Variants in TTC8 observed in about 807,000 individuals in gnomAD.
TTC8 encodes the protein tetratricopeptide repeat domain 8.
Under a neutral mutation model 72.5 loss-of-function variants are expected in TTC8, and 47 were observed. That is an observed-to-expected ratio of 0.65 (90% confidence interval 0.51 to 0.83). The LOEUF (loss-of-function observed/expected upper bound fraction) is 0.83, where lower values mean the gene tolerates loss of function less well. Among genes scored for constraint, TTC8 ranks in the 40% least tolerant of loss-of-function variants. The pLI, the probability that TTC8 is intolerant of heterozygous loss-of-function variation, is 0.00. For missense variants in TTC8, 611 were observed against 623.2 expected (o/e 0.98, Z 0.21); for synonymous variants, 199 against 221.4 (o/e 0.90, Z 0.90).
intron 7 of TTC8, among the ~76,000 whole-genome samples, chr14:88,850,878 T>C (rs1197544830): frequency 6.6e-6 from 1 of 152,232 alleles, no homozygotes; most frequent in Admixed American, 6.5e-5. Flanking sequence ...TTTGGCTTTG[T>C]ACATTTCAGG....
intron 7 of TTC8, among the ~76,000 whole-genome samples, chr14:88,849,600 A>G (rs2094824249): frequency 6.6e-6 from 1 of 152,044 alleles, no homozygotes; most frequent in Non-Finnish European, 1.5e-5. Flanking sequence ...TCCATGGAAA[A>G]CGATTTTTCT....
chr14:88,841,014 A>T, intron 4 of TTC8, 23 bp from the exon 5 acceptor site: 1 of 1,614,072 alleles, frequency 6.2e-7, no homozygotes, highest in Non-Finnish European at 8.5e-7. Flanking sequence ...TCTTTGTATT[A>T]TAACAATTTA....
At position 88,853,768 on chromosome 14, in the gene TTC8, G is replaced by A. The variant is rs140680516; in HGVS notation, c.710+712G>A. ...ACTGAGAGATCAGAAGAGTCGTAATGAATTTTATGAATATTTATATAGCAA... is the reference window on the plus strand; with the variant it reads ...ACTGAGAGATCAGAAGAGTCGTAATAAATTTTATGAATATTTATATAGCAA... On this transcript the variant is annotated intron_variant, in intron 8 of 14. Coordinates refer to ENST00000380656, the MANE Select transcript of TTC8 (RefSeq NM_144596.4). 1.6e-3 allele frequency among the ~76,000 whole-genome samples: 248 copies of A among 152,282 alleles called. 1 individual carries two copies. Among genetic ancestry groups the A allele is most frequent in the Non-Finnish European group, 2.5e-3 (168 of 68,012 alleles).
chr14:88,863,753 G>A (rs758192091), intron 10 of TTC8, among the ~76,000 whole-genome samples: 8 of 152,188 alleles, frequency 5.3e-5, no homozygotes, highest in Non-Finnish European at 1.2e-4. Flanking sequence ...AGTATGAATG[G>A]AATCCTTAAT....
chr14:88,862,161 T>C (rs2094888767), intron 10 of TTC8, among the ~76,000 whole-genome samples: 1 of 152,122 alleles, frequency 6.6e-6, no homozygotes. Flanking sequence ...TTTTTTGTCT[T>C]TTTGATGATA....
intron 1 of TTC8, among the ~76,000 whole-genome samples, chr14:88,832,511 G>A (rs1446611934): frequency 6.6e-6 from 1 of 151,966 alleles, no homozygotes; most frequent in Admixed American, 6.6e-5. Context: ...GCACTGGCAA[G>A]AAGGAGCATT....
intron 9 of TTC8, among the ~76,000 whole-genome samples, 199 bp downstream of exon 9, chr14:88,857,476 A>T (rs2094862132): frequency 6.6e-6 from 1 of 152,192 alleles, no homozygotes. Flanking sequence ...ATTGATTGCC[A>T]TGAAAAATAA....
At chr14:88,833,544 A>T (rs2094736122) in intron 1 of TTC8, 149 bp from the exon 2 acceptor site, 2 of 665,512 alleles carry the variant, frequency 3.0e-6, no homozygotes, top group Admixed American at 2.6e-5. Context: ...ACTCTTGAGA[A>T]CACTTCTGTA....
chr14:88,840,856 G>A lies in TTC8; in HGVS notation c.266-9G>A. On this transcript the variant is annotated splice_polypyrimidine_tract_variant and intron_variant, in intron 3 of 14. Transcript: ENST00000380656. ...ATATATAAATTGTATTAGCCATCTT[G>A]TCTCCTAGGCCCTGGAACGTCTTTG... 6.2e-7 allele frequency: 1 copy of A among 1,613,764 alleles called. No homozygotes were observed. Among genetic ancestry groups the A allele is most frequent in the East Asian group, 2.2e-5 (1 of 44,870 alleles).
chr14:88,834,835 T>C (rs543189560), intron 2 of TTC8, among the ~76,000 whole-genome samples: 9 of 152,324 alleles, frequency 5.9e-5, no homozygotes, highest in African/African-American at 1.9e-4. Flanking sequence ...GTAGAAATGG[T>C]TTTAAAACTA....
intron 10 of TTC8, among the ~76,000 whole-genome samples, chr14:88,862,227 G>A (rs549079943): frequency 3.3e-5 from 5 of 151,736 alleles, no homozygotes; most frequent in South Asian, 4.2e-4. Context: ...TACATTTCCC[G>A]GATGATTAGT....
At chr14:88,861,680 C>T (rs1161806489) in intron 10 of TTC8, among the ~76,000 whole-genome samples, 3 of 152,054 alleles carry the variant, frequency 2.0e-5, no homozygotes, top group Non-Finnish European at 4.4e-5. Flanking sequence ...ATAATTTTAC[C>T]TTTTACCTCC....
chr14:88,825,981 A>AT (rs1240086509), intron 1 of TTC8, among the ~76,000 whole-genome samples: 60 of 150,426 alleles, frequency 4.0e-4, no homozygotes, highest in Non-Finnish European at 6.2e-4. Flanking sequence ...AATTTTTTTT[A>AT]TTTTTTTTTA....
intron 3 of TTC8, 134 bp downstream of exon 3, chr14:88,839,706 T>A: frequency 9.3e-7 from 1 of 1,069,642 alleles, no homozygotes; most frequent in Admixed American, 2.4e-5. Flanking sequence ...ACAAAAATGA[T>A]GAAAAAACCA....
chr14:88,851,764 A>T (rs564775507), intron 7 of TTC8, among the ~76,000 whole-genome samples: 6 of 152,046 alleles, frequency 3.9e-5, no homozygotes, highest in Admixed American at 3.3e-4. Context: ...TTTAATTTTC[A>T]TAGCTTTCAA....
At chr14:88,858,909 A>G (rs1047759179) in intron 9 of TTC8, among the ~76,000 whole-genome samples, 3 of 151,804 alleles carry the variant, frequency 2.0e-5, no homozygotes, top group African/African-American at 7.3e-5. Flanking sequence ...GCTTACACTT[A>G]AAGTCTTAAA....
chr14:88,860,490 G>A (rs1473474715), intron 9 of TTC8, among the ~76,000 whole-genome samples: 2 of 152,142 alleles, frequency 1.3e-5, no homozygotes, highest in South Asian at 2.1e-4. Flanking sequence ...TTTTGGAAAG[G>A]CCTGTCCACT....
rs1476690534 is a variant in TTC8, at chr14:88,840,910, G to A, written c.311G>A (p.Gly104Glu). The A allele has an allele frequency of 6.2e-7, 1 of 1,614,044 alleles. No individual in the cohort carries two copies. Among genetic ancestry groups the A allele is most frequent in the Admixed American group, 1.7e-5 (1 of 59,992 alleles). ...LKLPGTNQTG[G>E]PSQAVRPITQ... ...CTCCCTGGAACTAATCAGACAGGAG[G>A]GCCTAGCCAGGCCGTTAGGTATGTA... The change falls in exon 4 of 15, where the codon GGG (glycine) becomes GAG (glutamate). Residue 104 changes from glycine to glutamate, a missense_variant. Gly to Glu is a moderately conservative substitution (Grantham distance 98, BLOSUM62 -2). Transcript: ENST00000380656.
At chr14:88,840,956 CCACTAAATATTGAT>C (rs1008832797) in intron 4 of TTC8, 28 bp downstream of exon 4, 12 of 1,613,872 alleles carry the variant, frequency 7.4e-6, no homozygotes, top group Non-Finnish European at 9.3e-6. Context: ...ATAACCTCTG[CCACTAAATATTGAT>C]CAGACTGTAT....
Sources: allele counts gnomAD v4.1 joint callset (sites outside exome capture counted in the v4.1 genomes callset), GRCh38; gene constraint gnomAD v4.1.1; transcripts MANE v1.5; gene names NCBI Gene and HGNC (gene_info 2026-07-23, HGNC 2026-07-21).